The following CEMIP variants were observed in gnomAD, a reference collection of about 807,000 sequenced individuals.
CEMIP encodes cell migration inducing hyaluronidase 1, also known as cell migration-inducing and hyaluronan-binding protein.
In CEMIP, 105 loss-of-function variants were observed where a neutral mutation model predicts 156.9. The ratio of observed to expected loss-of-function variants is 0.67; its 90% CI spans 0.57 to 0.79. CEMIP has a LOEUF of 0.79. Ranked by LOEUF, CEMIP falls within the 30% of genes least tolerant of loss-of-function variation. The pLI is 0.00. For missense variants in CEMIP, 1,457 were observed against 1,769.4 expected (o/e 0.82, Z 3.17); for synonymous variants, 676 against 668.4 (o/e 1.01, Z -0.17).
intron 1 of CEMIP, among the ~76,000 whole-genome samples, chr15:80,857,630 AG>A (rs1897885272): frequency 6.6e-6 from 1 of 152,218 alleles, no homozygotes; most frequent in Non-Finnish European, 1.5e-5. Flanking sequence ...GAGGATTGCC[AG>A]TCAGTGGCCT....
intron 1 of CEMIP, among the ~76,000 whole-genome samples, chr15:80,801,774 G>T (rs1896383703): frequency 2.0e-5 from 3 of 152,198 alleles, no homozygotes; most frequent in Non-Finnish European, 4.4e-5. Context: ...CATACCTATA[G>T]ATTCAACCAA....
intron 1 of CEMIP, among the ~76,000 whole-genome samples, chr15:80,836,638 A>ACCTCCTGGGTTTTCTGCCTCCTTC: frequency 6.8e-6 from 1 of 148,118 alleles, no homozygotes; most frequent in Non-Finnish European, 1.5e-5. Flanking sequence ...CTGCCTCCTT[A>ACCTCCTGGGTTTTCTGCCTCCTTC]CCTCCTGGGT....
intron 21 of CEMIP, 98 bp downstream of exon 21, chr15:80,929,272 T>C: frequency 1.4e-6 from 2 of 1,414,192 alleles, no homozygotes; most frequent in African/African-American, 1.4e-5. Flanking sequence ...ACCTGTTGAC[T>C]ATGAATTCTT....
intron 1 of CEMIP, among the ~76,000 whole-genome samples, chr15:80,859,171 T>C (rs1596138995): frequency 6.6e-6 from 1 of 152,170 alleles, no homozygotes; most frequent in African/African-American, 2.4e-5. Flanking sequence ...CCGGGTCACA[T>C]ATCTACCTTA....
chr15:80,920,900 T>C, intron 15 of CEMIP, 132 bp from the exon 16 acceptor site: 1 of 732,062 alleles, frequency 1.4e-6, no homozygotes, highest in South Asian at 1.5e-5. Flanking sequence ...GATCAACAAG[T>C]CAATGATTTC....
rs141208931 is a variant in CEMIP, at chr15:80,943,001, C to T, written c.3756C>T (p.Asp1252=). The change falls in exon 28 of 30, where the codon GAC becomes GAT. Residue 1252 remains aspartate, a synonymous_variant. Transcript: ENST00000394685. ...SEDGIQVVVI[D]GNQGRVVSHT... ...ATGGCATCCAGGTGGTGGTGATTGA[C>T]GGGAACCAAGGGCGCGTGGTGAGCC... 108 of 1,614,078 alleles carry T rather than the reference C, an allele frequency of 6.7e-5. No homozygotes were observed. The African/African-American group carries it at 7.5e-4, about 11-fold the overall frequency.
At position 80,937,785 on chromosome 15, in the gene CEMIP, C is replaced by G. The variant is rs768317120; in HGVS notation, c.3222-9C>G. 1.2e-6 allele frequency: 2 copies of G among 1,614,122 alleles called. No homozygotes were observed. The highest frequency in any genetic ancestry group is 2.2e-5 in the South Asian group (2 of 91,082). Reference sequence around the variant, plus strand: ...CTTGCTTGTAACCTGACTCTACTTCCAATCCTAGGGGCGACTGGATCCGAG... The same window carrying G: ...CTTGCTTGTAACCTGACTCTACTTCGAATCCTAGGGGCGACTGGATCCGAG... On this transcript the variant is annotated splice_polypyrimidine_tract_variant and intron_variant, in intron 24 of 29. Coordinates refer to ENST00000394685, the MANE Select transcript of CEMIP (RefSeq NM_001293298.2).
chr15:80,876,924 C>T (rs1023326485), intron 3 of CEMIP, among the ~76,000 whole-genome samples: 37 of 152,244 alleles, frequency 2.4e-4, no homozygotes, highest in African/African-American at 8.4e-4. Flanking sequence ...GACATACCCG[C>T]GGCTGGATAA....
chr15:80,815,026 G>A (rs550240593), intron 1 of CEMIP, among the ~76,000 whole-genome samples: 13 of 152,282 alleles, frequency 8.5e-5, no homozygotes, highest in African/African-American at 2.6e-4. Flanking sequence ...TGTCCCTACT[G>A]CTTTTCCTGA....
intron 28 of CEMIP, among the ~76,000 whole-genome samples, chr15:80,944,437 T>C (rs1476569081): frequency 6.6e-6 from 1 of 152,168 alleles, no homozygotes; most frequent in Non-Finnish European, 1.5e-5. Flanking sequence ...GCTAGTTAAG[T>C]GAGTGTACAG....
chr15:80,920,111 C>A lies in CEMIP; in HGVS notation c.1815C>A (p.Gly605=), dbSNP rs768803930. Residue 605 remains glycine, a synonymous_variant, in exon 15 of 30, where the codon GGC becomes GGA. Coordinates refer to ENST00000394685, the MANE Select transcript of CEMIP (RefSeq NM_001293298.2). ...SNGLLIKDVV[G]YNSLGHCFFT... ...CCCTGCAGATCAAGGACGTTGTGGG[C>A]TATAACTCTTTGGGCCACTGCTTCT... 1 of 1,614,234 alleles carries A rather than the reference C, an allele frequency of 6.2e-7. No individual in the cohort carries two copies. The highest frequency in any genetic ancestry group is 8.5e-7 in the Non-Finnish European group (1 of 1,180,044).
intron 1 of CEMIP, among the ~76,000 whole-genome samples, chr15:80,820,725 G>T (rs1430803624): frequency 6.6e-6 from 1 of 152,230 alleles, no homozygotes; most frequent in Non-Finnish European, 1.5e-5. Flanking sequence ...GGTAACTGTA[G>T]TTAAGTCCCT....
At position 80,873,965 on chromosome 15, in the gene CEMIP, C is replaced by T. The variant is rs369391847; in HGVS notation, c.86C>T (p.Thr29Ile). 102 of 1,569,432 alleles carry T rather than the reference C, an allele frequency of 6.5e-5. No individual in the cohort carries two copies. Among genetic ancestry groups the T allele is most frequent in the Non-Finnish European group, 8.5e-5 (98 of 1,155,278 alleles). The change falls in exon 3 of 30, where the codon ACA becomes ATA. Residue 29 changes from threonine (T) to isoleucine (I), a missense_variant. This residue lies in a region of CEMIP where 309 missense variants were observed against 340.8 expected (regional missense o/e 0.91). Coordinates refer to ENST00000394685, the MANE Select transcript of CEMIP (RefSeq NM_001293298.2). ...ACTCTGACCTGCTTCCCTGGGGCCA[C>T]ATCCACAGGTGAGCACTGCAAACAG... is the stretch of plus-strand genomic sequence containing the variant. ...WLTLTCFPGA[T>I]STVAAGCPDQ...
At chr15:80,820,065 C>G (rs895697118) in intron 1 of CEMIP, among the ~76,000 whole-genome samples, 1 of 152,318 alleles carries the variant, frequency 6.6e-6, no homozygotes, top group Admixed American at 6.5e-5. Flanking sequence ...CTTTGATTCT[C>G]GGCTAAGGTC....
chr15:80,829,020 G>C (rs1897097869), intron 1 of CEMIP, among the ~76,000 whole-genome samples: 1 of 152,190 alleles, frequency 6.6e-6, no homozygotes, highest in African/African-American at 2.4e-5. Flanking sequence ...GAGAACAGCT[G>C]CTAGGAGCTC....
intron 10 of CEMIP, among the ~76,000 whole-genome samples, chr15:80,890,715 C>T (rs1283788387): frequency 6.6e-6 from 1 of 152,182 alleles, no homozygotes; most frequent in Non-Finnish European, 1.5e-5. Context: ...AAGCTCGGGT[C>T]CCAGGTCAGC....
chr15:80,919,658 G>A (rs1042078315), intron 14 of CEMIP, among the ~76,000 whole-genome samples: 4 of 152,216 alleles, frequency 2.6e-5, no homozygotes, highest in East Asian at 1.9e-4. Flanking sequence ...CTGAAAACAC[G>A]CAGAAAATTA....
chr15:80,884,371 C>A lies in CEMIP; in HGVS notation c.797+17C>A. On this transcript the variant is annotated intron_variant, in intron 7 of 29. Coordinates refer to ENST00000394685, the MANE Select transcript of CEMIP (RefSeq NM_001293298.2). ...TGGATTTAGGTACTGCCCCTCACTT[C>A]GGCTTCCACTGGGCTCTGGAACATT... is the stretch of plus-strand genomic sequence containing the variant. The A allele has an allele frequency of 6.2e-7, 1 of 1,613,514 alleles. No individual in the cohort carries two copies.
intron 1 of CEMIP, among the ~76,000 whole-genome samples, chr15:80,830,546 C>G (rs981690247): frequency 6.6e-6 from 1 of 152,192 alleles, no homozygotes; most frequent in South Asian, 2.1e-4. Context: ...TATCCCCTCC[C>G]TCCTGCCTCG....
Sources: allele counts gnomAD v4.1 joint callset (sites outside exome capture counted in the v4.1 genomes callset), GRCh38; gene constraint gnomAD v4.1.1; regional missense constraint gnomAD v4.1.1; transcripts MANE v1.5; gene names NCBI Gene and HGNC (gene_info 2026-07-23, HGNC 2026-07-21).